CES1: variants seen among roughly 807,000 people sequenced by gnomAD.
The protein encoded by CES1 is liver carboxylesterase 1.
In CES1, 50 loss-of-function variants were observed where a neutral mutation model predicts 53.0. The ratio of observed to expected loss-of-function variants is 0.94; its 90% CI spans 0.75 to 1.19. The LOEUF (loss-of-function observed/expected upper bound fraction) is 1.19. CES1 is among the 50% of genes most tolerant of loss of function. The pLI is 0.00. For synonymous variants in CES1, 202 were observed against 210.1 expected (o/e 0.96, Z 0.33); for missense variants, 534 against 538.0 (o/e 0.99, Z 0.07).
intron 9 of CES1, among the ~76,000 whole-genome samples, chr16:55,811,779 C>A (rs2142316072): frequency 6.6e-6 from 1 of 152,184 alleles, no homozygotes; most frequent in African/African-American, 2.4e-5. Flanking sequence ...GTGAATCTAC[C>A]ACCCAACCCC....
chr16:55,823,366 G>T (rs149926087), intron 4 of CES1, among the ~76,000 whole-genome samples, 184 bp downstream of exon 4: 85 of 152,172 alleles, frequency 5.6e-4, no homozygotes, highest in East Asian at 1.7e-3. Flanking sequence ...ACATGCAAAA[G>T]CTCAGAGGCA....
At position 55,814,392 on chromosome 16, in the gene CES1, C is replaced by T. The variant is rs556773871; in HGVS notation, c.946-1349G>A. ...CAATGGTGTAGTTGCTACGATAGAGCGTGGATGTTGCTAAGATAGAGCATG... is the reference window on the plus strand; with the variant it reads ...CAATGGTGTAGTTGCTACGATAGAGTGTGGATGTTGCTAAGATAGAGCATG... On this transcript the variant is annotated intron_variant, in intron 8 of 13. Transcript: ENST00000360526. Among the ~76,000 whole-genome samples, 7 of 152,270 alleles carry T rather than the reference C, an allele frequency of 4.6e-5. No homozygotes were observed. In the East Asian group the frequency reaches 9.6e-4, roughly 21 times the overall value.
intron 7 of CES1, among the ~76,000 whole-genome samples, chr16:55,817,666 GTA>G (rs1415693387): frequency 6.6e-6 from 1 of 151,846 alleles, no homozygotes; most frequent in African/African-American, 2.4e-5. Flanking sequence ...GTGTGTGTGT[GTA>G]TGAGTGTGTC....
chr16:55,814,005 G>T (rs1250310339), intron 8 of CES1, among the ~76,000 whole-genome samples: 2 of 152,186 alleles, frequency 1.3e-5, no homozygotes, highest in Non-Finnish European at 2.9e-5. Flanking sequence ...TTGATTTGGG[G>T]GTTATAAGGA....
intron 6 of CES1, 90 bp from the exon 7 acceptor site, chr16:55,819,729 T>A: frequency 9.1e-7 from 1 of 1,094,174 alleles, no homozygotes; most frequent in Non-Finnish European, 1.4e-6. Flanking sequence ...CAAGCCCAAC[T>A]TGTACTAGTG....
chr16:55,815,958 G>A (rs1319798733), intron 8 of CES1, among the ~76,000 whole-genome samples: 10 of 152,380 alleles, frequency 6.6e-5, no homozygotes, highest in African/African-American at 1.4e-4. Flanking sequence ...CCCCACACTC[G>A]GTCCTCTCCA....
intron 2 of CES1, 152 bp from the exon 3 acceptor site, chr16:55,826,447 G>C: frequency 9.9e-7 from 1 of 1,015,222 alleles, no homozygotes; most frequent in Non-Finnish European, 1.5e-6. Context: ...GCTATCAGGG[G>C]CTTCAGGTGG....
chr16:55,813,077 C>T (rs753079255), intron 8 of CES1, 34 bp from the exon 9 acceptor site: 15 of 1,613,088 alleles, frequency 9.3e-6, no homozygotes, highest in Non-Finnish European at 1.3e-5. Context: ...CTGTGATTCC[C>T]TCCCTAGTCA....
chr16:55,816,599 G>A (rs2031955207), intron 8 of CES1, among the ~76,000 whole-genome samples: 2 of 152,336 alleles, frequency 1.3e-5, no homozygotes, highest in East Asian at 3.9e-4. Flanking sequence ...CCTCCTGATT[G>A]TGGAAGGTTC....
chr16:55,827,138 A>T (rs2032450140), intron 2 of CES1, among the ~76,000 whole-genome samples: 1 of 152,064 alleles, frequency 6.6e-6, no homozygotes, highest in African/African-American at 2.4e-5. Flanking sequence ...CACCGCCCCC[A>T]CTAGGTACAT....
At position 55,823,441 on chromosome 16, in the gene CES1, T is replaced by C. The variant is rs1165269366; in HGVS notation, c.539+109A>G. On this transcript the variant is annotated intron_variant, in intron 4 of 13. Coordinates refer to ENST00000360526, the MANE Select transcript of CES1 (RefSeq NM_001025195.2). The stretch of plus-strand genomic sequence containing the variant: ...CCAATTACGAAGGGGCTTGGATGCC[T>C]TACTGTGGAACCTAGCTAAGCTCCC... The C allele has an allele frequency of 4.5e-6, 6 of 1,330,986 alleles. No homozygotes were observed. The East Asian group carries it at 1.2e-4, about 26-fold the overall frequency. 82.4% of individuals were successfully genotyped at this position (1,330,986 alleles called of 1,614,324 possible). A position where few individuals can be genotyped will look rare whatever the true frequency, so the allele number is the denominator to read the frequency against.
chr16:55,821,289 G>T, intron 5 of CES1, 79 bp downstream of exon 5: 1 of 1,547,064 alleles, frequency 6.5e-7, no homozygotes, highest in African/African-American at 1.4e-5. Flanking sequence ...GGTATCCATA[G>T]CTGGATTGAC....
chr16:55,829,374 T>G (rs1390859212), intron 1 of CES1, among the ~76,000 whole-genome samples: 2 of 152,158 alleles, frequency 1.3e-5, no homozygotes, highest in Non-Finnish European at 2.9e-5. Context: ...TAGGGAAGGG[T>G]CACATATACA....
At chr16:55,830,826 G>GAAGGAAGGAAGA (rs1254244615) in intron 1 of CES1, among the ~76,000 whole-genome samples, 1 of 151,058 alleles carries the variant, frequency 6.6e-6, no homozygotes, top group African/African-American at 2.4e-5. Flanking sequence ...AGGAAGGCAG[G>GAAGGAAGGAAGA]CAGGCAGGCA....
chr16:55,830,636 C>G (rs1354896565), intron 1 of CES1, among the ~76,000 whole-genome samples: 3 of 151,902 alleles, frequency 2.0e-5, no homozygotes, highest in African/African-American at 7.3e-5. Flanking sequence ...AACCCCCTCT[C>G]TACTGAAAAT....
chr16:55,827,773 T>A (rs2032475871), intron 2 of CES1: 1 of 152,196 alleles, frequency 6.6e-6, no homozygotes, highest in Non-Finnish European at 1.5e-5. Context: ...TACTTATAAA[T>A]GAGCAAAGCA....
rs1389443441 is a variant in CES1 at position 55,825,309 on chromosome 16, C to G, written c.405+842G>C. Among the ~76,000 whole-genome samples, 3 of 152,202 alleles carry G rather than the reference C, an allele frequency of 2.0e-5. No individual in the cohort carries two copies. The East Asian group carries it at 5.8e-4, about 29-fold the overall frequency. On this transcript the variant is annotated intron_variant, in intron 3 of 13. Coordinates refer to ENST00000360526, the MANE Select transcript of CES1 (RefSeq NM_001025195.2). Reference sequence around the variant, plus strand: ...GACCTGCTCCCCCACTCCTAGGCACCATGCCACGGTGCCCCTGGGAGACTG... The same window carrying G: ...GACCTGCTCCCCCACTCCTAGGCACGATGCCACGGTGCCCCTGGGAGACTG...
At chr16:55,815,334 C>T (rs539050523) in intron 8 of CES1, among the ~76,000 whole-genome samples, 79 of 152,234 alleles carry the variant, frequency 5.2e-4, no homozygotes, top group East Asian at 2.7e-3. Flanking sequence ...GTGGGGGTGA[C>T]GTGCTCTAAT....
At chr16:55,811,136 A>G in intron 9 of CES1, 126 bp from the exon 10 acceptor site, 3 of 787,110 alleles carry the variant, frequency 3.8e-6, no homozygotes, top group Non-Finnish European at 6.5e-6. Context: ...TAAGGGCATG[A>G]GTCTTTACTG....
Sources: allele counts gnomAD v4.1 joint callset (sites outside exome capture counted in the v4.1 genomes callset), GRCh38; gene constraint gnomAD v4.1.1; transcripts MANE v1.5; gene names NCBI Gene and HGNC (gene_info 2026-07-23, HGNC 2026-07-21).